KCNQ5: variants seen among roughly 807,000 people sequenced by gnomAD.
KCNQ5 encodes the protein potassium voltage-gated channel subfamily KQT member 5.
In KCNQ5, 30 loss-of-function variants were observed where a neutral mutation model predicts 98.2. That is an observed-to-expected ratio of 0.31 (90% CI 0.23 to 0.41). KCNQ5 has a LOEUF of 0.41. Ranked by LOEUF, KCNQ5 falls within the 10% of genes least tolerant of loss-of-function variation. The pLI is 1.00. For missense variants in KCNQ5, 835 were observed against 1,182.5 expected, an observed-to-expected ratio of 0.71 and a Z score of 4.31; for synonymous variants, 458 against 449.4, an observed-to-expected ratio of 1.02 and a Z score of -0.24.
At chr6:72,643,887 G>A (rs1765455169) in intron 1 of KCNQ5, among the ~76,000 whole-genome samples, 1 of 151,846 alleles carries the variant, frequency 6.6e-6, no homozygotes, top group Non-Finnish European at 1.5e-5. Context: ...TAAAAGTCTA[G>A]AAAAAACATA....
chr6:73,141,670 G>A (rs1390051215), intron 10 of KCNQ5, among the ~76,000 whole-genome samples: 1 of 152,184 alleles, frequency 6.6e-6, no homozygotes, highest in African/African-American at 2.4e-5. Context: ...GCTGCCAAAT[G>A]ACCTTCGAGT....
intron 1 of KCNQ5, among the ~76,000 whole-genome samples, chr6:72,773,454 G>C (rs1005422398): frequency 1.3e-5 from 2 of 152,088 alleles, no homozygotes; most frequent in South Asian, 2.1e-4. Context: ...GCCTGTCAGG[G>C]GGTGGGAAGC....
chr6:73,107,608 G>A (rs1446229735), intron 6 of KCNQ5, among the ~76,000 whole-genome samples: 1 of 152,130 alleles, frequency 6.6e-6, no homozygotes, highest in Admixed American at 6.5e-5. Context: ...ACCCAGCACA[G>A]CAAAAAGGCA....
chr6:73,024,175 C>A (rs1044296025), intron 2 of KCNQ5, among the ~76,000 whole-genome samples: 1 of 152,102 alleles, frequency 6.6e-6, no homozygotes, highest in Non-Finnish European at 1.5e-5. Flanking sequence ...TACCCTTAAG[C>A]CTCTGGCATA....
At chr6:72,990,600 C>A (rs1305639495) in intron 1 of KCNQ5, among the ~76,000 whole-genome samples, 1 of 127,100 alleles carries the variant, frequency 7.9e-6, no homozygotes, top group African/African-American at 3.1e-5. Context: ...ATGTCGTCTG[C>A]AAACAGGGAC....
At chr6:73,137,464 T>C (rs1488743435) in intron 10 of KCNQ5, among the ~76,000 whole-genome samples, 1 of 152,180 alleles carries the variant, frequency 6.6e-6, no homozygotes, top group Non-Finnish European at 1.5e-5. Context: ...ACTGATAAAT[T>C]CTATAATAAA....
In KCNQ5 at chr6:72,872,134, T is replaced by C. The variant is rs1778235193; in HGVS notation, c.399-131774T>C. 1.3e-5 allele frequency among the ~76,000 whole-genome samples: 2 copies of C among 152,192 alleles called. 1 individual carries two copies. Among genetic ancestry groups the C allele is most frequent in the South Asian group, 4.1e-4 (2 of 4,824 alleles). On this transcript the variant is annotated intron_variant, in intron 1 of 13. Coordinates refer to ENST00000370398, the MANE Select transcript of KCNQ5 (RefSeq NM_019842.4). ...GAGAAAATGATTTTATGTAATAGCT[T>C]TATCCAAACATGTTCACATGTACCT... is the stretch of plus-strand genomic sequence containing the variant.
intron 1 of KCNQ5, among the ~76,000 whole-genome samples, chr6:72,913,871 A>G (rs1416214600): frequency 6.6e-6 from 1 of 152,244 alleles, no homozygotes; most frequent in Non-Finnish European, 1.5e-5. Context: ...AAGAGTGGAC[A>G]GTCCTGAGAA....
chr6:73,111,594 A>G (rs1478911058), intron 7 of KCNQ5, among the ~76,000 whole-genome samples, 191 bp downstream of exon 7: 1 of 152,216 alleles, frequency 6.6e-6, no homozygotes, highest in Non-Finnish European at 1.5e-5. Context: ...CCAAACTGAA[A>G]CACATGTATT....
intron 1 of KCNQ5, among the ~76,000 whole-genome samples, chr6:72,804,088 G>A (rs1055877999): frequency 2.0e-5 from 3 of 151,900 alleles, no homozygotes; most frequent in Non-Finnish European, 2.9e-5. Flanking sequence ...ATTTTTGTGA[G>A]TACATAGTTG....
chr6:72,946,443 A>G (rs890493449), intron 1 of KCNQ5, among the ~76,000 whole-genome samples: 4 of 152,202 alleles, frequency 2.6e-5, no homozygotes, highest in African/African-American at 9.6e-5. Context: ...CTAGAAGAGC[A>G]GGATTTGGAC....
At chr6:72,772,612 A>G (rs1772954717) in intron 1 of KCNQ5, among the ~76,000 whole-genome samples, 1 of 152,174 alleles carries the variant, frequency 6.6e-6, no homozygotes, top group African/African-American at 2.4e-5. Flanking sequence ...ATGTAGGGAA[A>G]GTGCTATGCA....
intron 10 of KCNQ5, chr6:73,134,833 G>A (rs1370473471): frequency 6.6e-6 from 1 of 152,240 alleles, no homozygotes. Context: ...CCACCAACAC[G>A]GGACACTCCT....
intron 1 of KCNQ5, among the ~76,000 whole-genome samples, chr6:72,755,890 T>G (rs933707637): frequency 1.3e-5 from 2 of 152,180 alleles, no homozygotes; most frequent in Admixed American, 6.5e-5. Flanking sequence ...ATAGCATAGG[T>G]CTGCTGGCTT....
chr6:72,987,742 G>T, intron 1 of KCNQ5: 1 of 514,472 alleles, frequency 1.9e-6, no homozygotes, highest in Non-Finnish European at 3.6e-6. Flanking sequence ...AGCCAAGCTG[G>T]AAGATTAAAC....
chr6:73,038,769 CT>C (rs763564992), intron 2 of KCNQ5, among the ~76,000 whole-genome samples: 51 of 151,926 alleles, frequency 3.4e-4, no homozygotes, highest in Non-Finnish European at 6.9e-4. Context: ...TTTTTTGTGT[CT>C]AAGTTTATGA....
intron 10 of KCNQ5, among the ~76,000 whole-genome samples, chr6:73,146,902 G>C (rs560107215): frequency 1.2e-4 from 19 of 152,160 alleles, no homozygotes; most frequent in African/African-American, 4.6e-4. Flanking sequence ...ATAAAAATTG[G>C]TTTTTGTATG....
intron 9 of KCNQ5, among the ~76,000 whole-genome samples, chr6:73,132,469 T>C (rs1043718883): frequency 6.6e-6 from 1 of 152,256 alleles, no homozygotes; most frequent in Non-Finnish European, 1.5e-5. Context: ...CCCTTAGCTG[T>C]GTTGCTATGT....
At chr6:73,125,342 G>T in intron 9 of KCNQ5, 1 of 503,272 alleles carries the variant, frequency 2.0e-6, no homozygotes, top group South Asian at 1.5e-5. Flanking sequence ...GCCTAGATTT[G>T]AGAGCAAAGC....
Sources: gnomAD v4.1 joint callset for allele counts (sites outside exome capture counted in the v4.1 genomes callset) on GRCh38, gnomAD v4.1.1 for gene constraint, MANE v1.5 for transcripts, NCBI Gene and HGNC (gene_info 2026-07-23, HGNC 2026-07-21) for gene names.